Variants in CCSER1 observed in about 807,000 individuals in gnomAD.
The protein encoded by CCSER1 is serine-rich coiled-coil domain-containing protein 1.
A neutral mutation model predicts 82.0 loss-of-function variants in CCSER1; 41 were observed. The ratio of observed to expected loss-of-function variants is 0.50; its 90% CI spans 0.39 to 0.65. The LOEUF (loss-of-function observed/expected upper bound fraction) is 0.65, where lower values mean the gene tolerates loss of function less well. Ranked by LOEUF, CCSER1 falls within the 30% of genes least tolerant of loss-of-function variation. CCSER1 has a pLI of 0.00. For missense variants in CCSER1, 1,119 were observed against 1,064.2 expected (o/e 1.05, Z -0.72); for synonymous variants, 414 against 383.9 (o/e 1.08, Z -0.92).
At chr4:91,459,543 G>C (rs1236851838) in intron 10 of CCSER1, among the ~76,000 whole-genome samples, 1 of 152,094 alleles carries the variant, frequency 6.6e-6, no homozygotes, top group Non-Finnish European at 1.5e-5. Context: ...CTCCAAGGTA[G>C]GGAGATGAAA....
At chr4:90,488,479 C>T (rs1293660736) in intron 5 of CCSER1, among the ~76,000 whole-genome samples, 1 of 152,132 alleles carries the variant, frequency 6.6e-6, no homozygotes, top group Non-Finnish European at 1.5e-5. Context: ...TGAGCCACTG[C>T]ACCAGGCGAC....
chr4:90,186,228 G>A (rs1402761126), intron 1 of CCSER1, among the ~76,000 whole-genome samples: 1 of 151,938 alleles, frequency 6.6e-6, no homozygotes, highest in Non-Finnish European at 1.5e-5. Flanking sequence ...ATATTTTTAT[G>A]TGTCCCTTCT....
intron 10 of CCSER1, among the ~76,000 whole-genome samples, chr4:91,411,736 G>C (rs1409810563): frequency 2.4e-5 from 2 of 82,318 alleles, no homozygotes; most frequent in African/African-American, 1.3e-4. Flanking sequence ...ACTGATATTG[G>C]AGCTAGTGGC....
At chr4:91,532,392 G>A (rs1419553282) in intron 10 of CCSER1, among the ~76,000 whole-genome samples, 4 of 152,166 alleles carry the variant, frequency 2.6e-5, no homozygotes, top group African/African-American at 7.2e-5. Context: ...TATAGTCTGA[G>A]TAGTTACTAT....
intron 4 of CCSER1, among the ~76,000 whole-genome samples, chr4:90,430,295 A>G (rs558239438): frequency 2.0e-5 from 3 of 151,916 alleles, no homozygotes; most frequent in Non-Finnish European, 4.4e-5. Context: ...AAGGAATAAC[A>G]TCTTTCCAAC....
intron 7 of CCSER1, among the ~76,000 whole-genome samples, chr4:90,797,970 A>G (rs575696360): frequency 6.6e-6 from 1 of 152,100 alleles, no homozygotes; most frequent in African/African-American, 2.4e-5. Context: ...ATCTTCTTAT[A>G]AAATGTGTTA....
At chr4:90,461,585 A>G (rs931297871) in intron 4 of CCSER1, among the ~76,000 whole-genome samples, 4 of 151,856 alleles carry the variant, frequency 2.6e-5, no homozygotes, top group Non-Finnish European at 5.9e-5. Flanking sequence ...AATTATTTCC[A>G]TTTCTCAATA....
chr4:91,022,861 A>AT (rs946888729), intron 9 of CCSER1, among the ~76,000 whole-genome samples: 2 of 151,622 alleles, frequency 1.3e-5, no homozygotes. Flanking sequence ...GGGGTTGTTT[A>AT]TTTTTTTCTT....
intron 8 of CCSER1, among the ~76,000 whole-genome samples, chr4:90,880,312 G>C (rs1258368335): frequency 6.6e-6 from 1 of 152,110 alleles, no homozygotes; most frequent in Non-Finnish European, 1.5e-5. Flanking sequence ...CTTGTCTCCT[G>C]GGGGCTCCAC....
intron 1 of CCSER1, among the ~76,000 whole-genome samples, chr4:90,302,127 A>G (rs980490382): frequency 3.3e-5 from 5 of 152,192 alleles, no homozygotes; most frequent in Non-Finnish European, 7.3e-5. Context: ...GAAATCCTGA[A>G]GTGTTGAAGC....
chr4:90,442,867 C>T (rs901390535), intron 4 of CCSER1, among the ~76,000 whole-genome samples: 4 of 152,080 alleles, frequency 2.6e-5, no homozygotes, highest in Admixed American at 2.0e-4. Flanking sequence ...GAGTGCCGGT[C>T]CTTGGTCTAG....
At chr4:91,388,458 G>C (rs1751442776) in intron 10 of CCSER1, among the ~76,000 whole-genome samples, 1 of 152,012 alleles carries the variant, frequency 6.6e-6, no homozygotes, top group East Asian at 1.9e-4. Flanking sequence ...GAAACTATAT[G>C]TTTACTTTGT....
intron 10 of CCSER1, among the ~76,000 whole-genome samples, chr4:91,316,061 T>C (rs1745808171): frequency 6.6e-6 from 1 of 151,956 alleles, no homozygotes; most frequent in East Asian, 1.9e-4. Context: ...CATAGGGCAG[T>C]TTCACTGCCC....
At chr4:90,896,283 T>C (rs1319032932) in intron 8 of CCSER1, among the ~76,000 whole-genome samples, 5 of 151,954 alleles carry the variant, frequency 3.3e-5, no homozygotes, top group African/African-American at 1.2e-4. Flanking sequence ...TAAGTGGGTA[T>C]GCCTAGTAGG....
chr4:91,413,577 A>T (rs369057264), intron 10 of CCSER1, among the ~76,000 whole-genome samples: 1 of 152,226 alleles, frequency 6.6e-6, no homozygotes, highest in African/African-American at 2.4e-5. Context: ...GAAGTGTGTG[A>T]ATATATGAAT....
intron 8 of CCSER1, among the ~76,000 whole-genome samples, chr4:90,853,387 C>T (rs17248711): frequency 0.055 from 8,399 of 152,052 alleles, 308 homozygotes; most frequent in Non-Finnish European, 0.084. Flanking sequence ...AGCATTGCTC[C>T]TATAATTCGT....
At chr4:90,582,097 T>A (rs2148641852) in intron 5 of CCSER1, among the ~76,000 whole-genome samples, 1 of 152,252 alleles carries the variant, frequency 6.6e-6, no homozygotes, top group Middle Eastern at 3.4e-3. Flanking sequence ...CTGAATAATA[T>A]TACTACTGAC....
intron 9 of CCSER1, among the ~76,000 whole-genome samples, chr4:91,034,479 T>A (rs72667538): frequency 6.6e-6 from 1 of 152,152 alleles, no homozygotes; most frequent in Non-Finnish European, 1.5e-5. Flanking sequence ...AGAGCACAAG[T>A]TGTTACTTTT....
intron 6 of CCSER1, among the ~76,000 whole-genome samples, chr4:90,661,023 C>T (rs970145313): frequency 1.3e-5 from 2 of 152,116 alleles, no homozygotes; most frequent in African/African-American, 4.8e-5. Context: ...AACTGCTGTA[C>T]AGTGTTTCTC....
Sources: allele counts gnomAD v4.1 joint callset (sites outside exome capture counted in the v4.1 genomes callset), GRCh38; gene constraint gnomAD v4.1.1; transcripts MANE v1.5; gene names NCBI Gene and HGNC (gene_info 2026-07-23, HGNC 2026-07-21).